NAALADL2: variants seen among roughly 807,000 people sequenced by gnomAD.
NAALADL2 encodes the protein N-acetylated alpha-linked acidic dipeptidase like 2, also known as inactive N-acetylated-alpha-linked acidic dipeptidase-like protein 2.
Under a neutral mutation model 87.2 loss-of-function variants are expected in NAALADL2, and 76 were observed. The observed-to-expected ratio is 0.87, with a 90% CI of 0.72 to 1.05. NAALADL2 has a LOEUF of 1.05. Ranked by LOEUF, NAALADL2 falls within the 50% of genes least tolerant of loss-of-function variation. The pLI, the probability that NAALADL2 is intolerant of heterozygous loss-of-function variation, is 0.00. For synonymous variants in NAALADL2, 354 were observed against 331.0 expected (o/e 1.07, Z -0.75); for missense variants, 1,089 against 945.8 (o/e 1.15, Z -1.99).
intron 12 of NAALADL2, among the ~76,000 whole-genome samples, chr3:175,743,687 C>T (rs533134306): frequency 7.9e-5 from 12 of 152,290 alleles, no homozygotes; most frequent in Admixed American, 2.0e-4. Context: ...GACCAATAGA[C>T]TTCATGTCAT....
At chr3:174,849,282 CTT>C (rs752831740) in intron 3 of NAALADL2, among the ~76,000 whole-genome samples, 2 of 152,104 alleles carry the variant, frequency 1.3e-5, no homozygotes, top group Admixed American at 6.5e-5. Flanking sequence ...ACTTTACAAA[CTT>C]TTTATTATTT....
intron 10 of NAALADL2, among the ~76,000 whole-genome samples, chr3:175,581,707 A>C (rs1462686702): frequency 1.3e-5 from 2 of 152,216 alleles, no homozygotes; most frequent in African/African-American, 4.8e-5. Context: ...ATGTAGAGTG[A>C]AAATGAGAGT....
intron 3 of NAALADL2, among the ~76,000 whole-genome samples, chr3:174,789,056 A>G (rs1316134607): frequency 6.6e-6 from 1 of 152,182 alleles, no homozygotes; most frequent in Non-Finnish European, 1.5e-5. Context: ...TGTGATTAGG[A>G]TCTGTCTGGG....
At chr3:175,485,378 G>A (rs1031139492) in intron 9 of NAALADL2, among the ~76,000 whole-genome samples, 5 of 152,096 alleles carry the variant, frequency 3.3e-5, no homozygotes, top group African/African-American at 7.2e-5. Flanking sequence ...AGTTTATTAA[G>A]GAGAATTCAC....
Position 175,755,214 on chromosome 3 carries a change from C to A in NAALADL2, c.1991-6C>A. The A allele has an allele frequency of 1.2e-6, 2 of 1,605,312 alleles. No individual in the cohort carries two copies. Among genetic ancestry groups the A allele is most frequent in the Non-Finnish European group, 1.7e-6 (2 of 1,177,060 alleles). On this transcript the variant is annotated splice_polypyrimidine_tract_variant and splice_region_variant and intron_variant, in intron 12 of 13. Transcript: ENST00000454872. ...CTTCTGAGATGGGCTCATTTATCTT[C>A]ACCAGGTGATCAACCCAACACTCAT... is the stretch of plus-strand genomic sequence containing the variant.
chr3:175,770,574 T>G (rs1052981784), intron 13 of NAALADL2, among the ~76,000 whole-genome samples: 3 of 152,210 alleles, frequency 2.0e-5, no homozygotes, highest in Admixed American at 6.5e-5. Context: ...TAATCTACTC[T>G]TTATGCAATA....
upstream of NAALADL2, among the ~76,000 whole-genome samples, chr3:174,857,271 A>C (rs779234209): frequency 6.6e-6 from 1 of 152,216 alleles, no homozygotes; most frequent in Non-Finnish European, 1.5e-5. Flanking sequence ...GAAAGAAAAT[A>C]TGTGTGCACA....
chr3:174,936,612 T>C (rs1737724727), intron 1 of NAALADL2, among the ~76,000 whole-genome samples: 1 of 152,130 alleles, frequency 6.6e-6, no homozygotes, highest in Non-Finnish European at 1.5e-5. Context: ...GTTTTGGTAA[T>C]ACTTTAGTCT....
Position 175,188,742 on chromosome 3 carries a change from TC to T in NAALADL2, c.546-45187del, listed in dbSNP as rs1248229302. On this transcript the variant is annotated intron_variant, in intron 2 of 13. Coordinates refer to ENST00000454872, the MANE Select transcript of NAALADL2 (RefSeq NM_207015.3). ...ATGTGTACCATTCCTTGGTACTTAA[TC>T]CTATTGCACCTGGATTCACAGCCTA... Among the ~76,000 whole-genome samples the T allele has an allele frequency of 8.5e-5, 13 of 152,196 alleles. No homozygotes were observed. The South Asian group carries it at 2.7e-3, about 32-fold the overall frequency.
chr3:175,298,334 C>G (rs1756633030), intron 4 of NAALADL2, among the ~76,000 whole-genome samples: 1 of 152,104 alleles, frequency 6.6e-6, no homozygotes, highest in South Asian at 2.1e-4. Flanking sequence ...TGACCAAACA[C>G]TTTCATTTCA....
chr3:175,376,774 T>A (rs4575911), intron 5 of NAALADL2, among the ~76,000 whole-genome samples: 56,584 of 151,944 alleles, frequency 0.37, 10,988 homozygotes, highest in East Asian at 0.53. Flanking sequence ...TATCCCACAG[T>A]TTACTGAGGC....
At chr3:175,160,623 A>T (rs1733056621) in intron 2 of NAALADL2, among the ~76,000 whole-genome samples, 1 of 151,950 alleles carries the variant, frequency 6.6e-6, no homozygotes, top group African/African-American at 2.4e-5. Flanking sequence ...AAGTGCTGGG[A>T]TTACAGGCGT....
In NAALADL2 at chr3:175,491,818, T is replaced by G. The variant is rs114555727; in HGVS notation, c.1653+20060T>G. On this transcript the variant is annotated intron_variant, in intron 9 of 13. Transcript: ENST00000454872. The stretch of plus-strand genomic sequence containing the variant: ...ATCTGTGGGCATACACCAACATTTA[T>G]AGCAATGATACAAATGTTATCAGTT... Among the ~76,000 whole-genome samples the G allele has an allele frequency of 3.7e-3, 570 of 152,256 alleles. 1 individual carries two copies. The highest frequency in any genetic ancestry group is 6.3e-3 in the Non-Finnish European group (428 of 68,014).
chr3:174,767,177 C>T (rs1713913265), intron 3 of NAALADL2, among the ~76,000 whole-genome samples: 3 of 152,144 alleles, frequency 2.0e-5, no homozygotes, highest in Admixed American at 2.0e-4. Flanking sequence ...CTGAGCACTT[C>T]AGTGGTTACA....
intron 3 of NAALADL2, among the ~76,000 whole-genome samples, chr3:174,844,001 T>C (rs1265781832): frequency 6.6e-6 from 1 of 152,178 alleles, no homozygotes; most frequent in Non-Finnish European, 1.5e-5. Context: ...TCCTTTGCTA[T>C]GCAAAAGCTT....
chr3:175,563,662 C>G (rs1716647222), intron 9 of NAALADL2, among the ~76,000 whole-genome samples: 1 of 151,964 alleles, frequency 6.6e-6, no homozygotes, highest in South Asian at 2.1e-4. Context: ...GAAAGAGAGA[C>G]AAAAGAAATT....
intron 6 of NAALADL2, among the ~76,000 whole-genome samples, chr3:175,455,810 A>G (rs565327246): frequency 8.5e-5 from 13 of 152,086 alleles, no homozygotes; most frequent in Non-Finnish European, 1.8e-4. Context: ...CCTCTAGAAC[A>G]GATTCTAGTC....
At chr3:174,540,549 A>AT (rs1458676855) in intron 1 of NAALADL2, among the ~76,000 whole-genome samples, 2 of 152,232 alleles carry the variant, frequency 1.3e-5, no homozygotes, top group Non-Finnish European at 2.9e-5. Flanking sequence ...TATGAAGGCT[A>AT]TAACAGTCAA....
chr3:174,943,739 G>GGT (rs1222543586), intron 1 of NAALADL2, among the ~76,000 whole-genome samples: 8 of 152,252 alleles, frequency 5.3e-5, no homozygotes, highest in Middle Eastern at 3.4e-3. Context: ...TGAGCAGCAG[G>GGT]GTGTGTGTGG....
Sources: gnomAD v4.1 joint callset for allele counts (sites outside exome capture counted in the v4.1 genomes callset) on GRCh38, gnomAD v4.1.1 for gene constraint, MANE v1.5 for transcripts, NCBI Gene and HGNC (gene_info 2026-07-23, HGNC 2026-07-21) for gene names.